The following BBS9 variants were observed in gnomAD, a reference collection of about 807,000 sequenced individuals.
BBS9 encodes the protein Bardet-Biedl syndrome 9.
In BBS9, 89 loss-of-function variants were observed where a neutral mutation model predicts 117.7. The ratio of observed to expected loss-of-function variants is 0.76; its 90% CI spans 0.64 to 0.90. The LOEUF is 0.90. Among genes scored for constraint, BBS9 ranks in the 40% least tolerant of loss-of-function variants. The pLI, the probability that BBS9 is intolerant of heterozygous loss-of-function variation, is 0.00. For synonymous variants in BBS9, 379 were observed against 370.9 expected (o/e 1.02, Z -0.25); for missense variants, 982 against 1,042.2 (o/e 0.94, Z 0.80).
intron 9 of BBS9, among the ~76,000 whole-genome samples, chr7:33,316,341 C>T (rs867079766): frequency 2.6e-5 from 4 of 151,976 alleles, no homozygotes; most frequent in African/African-American, 9.7e-5. Flanking sequence ...AATGAATATA[C>T]CATAATTAAA....
intron 21 of BBS9, among the ~76,000 whole-genome samples, chr7:33,579,414 G>T (rs1429049805): frequency 2.0e-5 from 3 of 152,134 alleles, no homozygotes; most frequent in African/African-American, 7.2e-5. Flanking sequence ...GTCATGCAAA[G>T]GGGAATTCAT....
chr7:33,388,964 A>T (rs1826532221), intron 19 of BBS9, among the ~76,000 whole-genome samples: 1 of 152,110 alleles, frequency 6.6e-6, no homozygotes, highest in Non-Finnish European at 1.5e-5. Context: ...TTTTTAATTG[A>T]GATAATTCTA....
chr7:33,320,557 C>T (rs1445435078), intron 9 of BBS9, among the ~76,000 whole-genome samples: 3 of 152,036 alleles, frequency 2.0e-5, no homozygotes, highest in Admixed American at 2.0e-4. Context: ...AAACATGAGA[C>T]TGGATATCTC....
At chr7:33,478,962 A>G (rs1423249966) in intron 19 of BBS9, among the ~76,000 whole-genome samples, 1 of 143,826 alleles carries the variant, frequency 7.0e-6, no homozygotes, top group Non-Finnish European at 1.5e-5. Flanking sequence ...ATGTTACTTT[A>G]CTGTTCATTT....
intron 18 of BBS9, among the ~76,000 whole-genome samples, 195 bp from the exon 19 acceptor site, chr7:33,387,797 T>C (rs375734314): frequency 6.6e-6 from 1 of 152,234 alleles, no homozygotes; most frequent in African/African-American, 2.4e-5. Context: ...AATTTTCCAT[T>C]TGATCTGTTC....
chr7:33,165,429 A>G (rs1208667354), intron 4 of BBS9, among the ~76,000 whole-genome samples: 3 of 152,074 alleles, frequency 2.0e-5, no homozygotes. Context: ...AGTGTTTTCC[A>G]ACTTGGTTCC....
At chr7:33,596,299 C>CACACACACACACACACACACAT (rs1491153351) in intron 21 of BBS9, among the ~76,000 whole-genome samples, 6 of 143,454 alleles carry the variant, frequency 4.2e-5, no homozygotes, top group African/African-American at 1.6e-4. Context: ...CACACACACA[C>CACACACACACACACACACACAT]TTATATATGT....
chr7:33,411,016 T>C, intron 19 of BBS9, among the ~76,000 whole-genome samples: 2 of 141,516 alleles, frequency 1.4e-5, no homozygotes, highest in South Asian at 4.3e-4. Context: ...TTGGTGTTTT[T>C]TTTTTTTTTT....
In BBS9 at chr7:33,152,702, T is replaced by G. The variant is rs1793530502; in HGVS notation, c.114T>G (p.Asp38Glu). 1.2e-6 allele frequency: 2 copies of G among 1,611,710 alleles called. No individual in the cohort carries two copies. Among genetic ancestry groups the G allele is most frequent in the African/African-American group, 1.3e-5 (1 of 74,972 alleles). ...TTTTTTTTTTTAAATTCTCTACAGA[T>G]AAAATAATTGTGGGTAGCTTTATGG... is the stretch of plus-strand genomic sequence containing the variant. Reference protein sequence around the residue: ...ANVDNSGNGQDKIIVGSFMGY... With the variant: ...ANVDNSGNGQEKIIVGSFMGY... Residue 38 changes from aspartate to glutamate, a missense_variant and splice_region_variant, in exon 3 of 23, where the codon GAT becomes GAG. By Grantham distance (45) the Asp-to-Glu change is conservative (BLOSUM62 2). Coordinates refer to ENST00000242067, the MANE Select transcript of BBS9 (RefSeq NM_198428.3).
At chr7:33,219,518 C>T (rs1789789844) in intron 5 of BBS9, among the ~76,000 whole-genome samples, 1 of 152,156 alleles carries the variant, frequency 6.6e-6, no homozygotes, top group Non-Finnish European at 1.5e-5. Context: ...GTATCTAGCT[C>T]AAGGTTTGTA....
intron 19 of BBS9, among the ~76,000 whole-genome samples, chr7:33,406,997 G>T (rs1830136160): frequency 6.8e-6 from 1 of 147,662 alleles, no homozygotes; most frequent in South Asian, 2.2e-4. Flanking sequence ...GCTAGATTGG[G>T]GAAGTTCTCC....
intron 20 of BBS9, among the ~76,000 whole-genome samples, chr7:33,510,829 G>A (rs1306403201): frequency 6.6e-6 from 1 of 152,110 alleles, no homozygotes; most frequent in African/African-American, 2.4e-5. Flanking sequence ...GTCGTCAAGA[G>A]AAAAAACATC....
chr7:33,547,689 A>G (rs922329528), intron 21 of BBS9, among the ~76,000 whole-genome samples: 4 of 152,232 alleles, frequency 2.6e-5, no homozygotes, highest in African/African-American at 9.6e-5. Context: ...TGGAAAGGAC[A>G]AGGCCAGCCA....
At chr7:33,457,721 A>G (rs1033077224) in intron 19 of BBS9, among the ~76,000 whole-genome samples, 2 of 152,178 alleles carry the variant, frequency 1.3e-5, no homozygotes, top group Admixed American at 6.6e-5. Flanking sequence ...GAAGCATGAT[A>G]TATTTATCTG....
intron 21 of BBS9, among the ~76,000 whole-genome samples, chr7:33,577,235 G>A (rs1171761768): frequency 6.6e-6 from 1 of 152,098 alleles, no homozygotes; most frequent in Non-Finnish European, 1.5e-5. Context: ...TCCAAAAGTG[G>A]GCAAAGGATA....
rs182131175 is a variant in BBS9 at position 33,496,230 on chromosome 7, G to A, written c.2116-9233G>A. ...TGATTAAAAATGTATTCTGGGCCAG[G>A]CGTGGTGGCTCTCGCCTGTAATCCC... On this transcript the variant is annotated intron_variant, in intron 19 of 22. Transcript: ENST00000242067. Among the ~76,000 whole-genome samples the A allele has an allele frequency of 3.1e-3, 473 of 152,268 alleles. 6 individuals are homozygous for A. The South Asian group carries it at 0.034, about 11-fold the overall frequency.
intron 9 of BBS9, among the ~76,000 whole-genome samples, chr7:33,310,769 A>G (rs1159763745): frequency 2.0e-5 from 3 of 152,212 alleles, no homozygotes; most frequent in African/African-American, 7.2e-5. Context: ...ATCCTGTGAT[A>G]CATGAGACAG....
intron 19 of BBS9, among the ~76,000 whole-genome samples, chr7:33,473,876 T>C (rs2128960081): frequency 6.6e-6 from 1 of 152,340 alleles, no homozygotes. Context: ...TCATATCTTA[T>C]TTATTTTTTT....
rs1029802817 is a variant in BBS9, at chr7:33,383,902, A to G, written c.1962+64A>G. The G allele has an allele frequency of 3.3e-6, 5 of 1,523,150 alleles. No individual in the cohort carries two copies. In the East Asian group the frequency reaches 6.8e-5, roughly 21 times the overall value. The allele number at this position is 1,523,150 out of a possible 1,614,324, so 94.4% of individuals were successfully genotyped here. On this transcript the variant is annotated intron_variant, in intron 18 of 22. Transcript: ENST00000242067. The stretch of plus-strand genomic sequence containing the variant: ...AATATATGAAAGAGAAATAGATGCT[A>G]TAGAAGGATTCTGTATGCATGCCAT...
Sources: gnomAD v4.1 joint callset for allele counts (sites outside exome capture counted in the v4.1 genomes callset) on GRCh38, gnomAD v4.1.1 for gene constraint, MANE v1.5 for transcripts, NCBI Gene and HGNC (gene_info 2026-07-23, HGNC 2026-07-21) for gene names.